The following DCLK1 variants were observed in gnomAD, a reference collection of about 807,000 sequenced individuals.
DCLK1 encodes the protein serine/threonine-protein kinase DCLK1.
In DCLK1, 16 loss-of-function variants were observed where a neutral mutation model predicts 86.2. The ratio of observed to expected loss-of-function variants is 0.19; its 90% confidence interval spans 0.13 to 0.28. The LOEUF (loss-of-function observed/expected upper bound fraction) is 0.28. Ranked by LOEUF, DCLK1 falls within the 10% of genes least tolerant of loss-of-function variation. DCLK1 has a pLI of 1.00. For missense variants in DCLK1, 590 were observed against 940.2 expected, an observed-to-expected ratio of 0.63 and a Z score of 4.87; for synonymous variants, 369 against 370.5, an observed-to-expected ratio of 1.00 and a Z score of 0.05.
intron 4 of DCLK1, among the ~76,000 whole-genome samples, chr13:35,905,237 T>C (rs887382449): frequency 6.6e-6 from 1 of 152,208 alleles, no homozygotes; most frequent in South Asian, 2.1e-4. Flanking sequence ...GCCATTGCCA[T>C]TGGATAAACA....
rs1366698690 is a variant in DCLK1, at chr13:36,125,860, C to T, written c.278G>A (p.Arg93Gln). 2 of 1,614,122 alleles carry T rather than the reference C, an allele frequency of 1.2e-6. No individual in the cohort carries two copies. The highest frequency in any genetic ancestry group is 1.7e-6 in the Non-Finnish European group (2 of 1,180,016). ...SFEALLADLT[R>Q]TLSDNVNLPQ... The stretch of plus-strand genomic sequence containing the variant: ...CAAATTCACGTTATCCGACAGAGTT[C>T]GGGTCAAATCAGCCAGCAGGGCCTC... Residue 93 changes from arginine (R) to glutamine (Q), a missense_variant, in exon 2 of 17, where the codon CGA becomes CAA. Arg to Gln is a conservative substitution (Grantham distance 43, BLOSUM62 1). Transcript: ENST00000360631.
chr13:35,798,300 C>T (rs147303515), intron 15 of DCLK1, among the ~76,000 whole-genome samples: 4 of 152,218 alleles, frequency 2.6e-5, no homozygotes, highest in South Asian at 2.1e-4. Flanking sequence ...CCATTTCAGG[C>T]GTCATGCTTT....
intron 4 of DCLK1, among the ~76,000 whole-genome samples, chr13:35,920,843 C>T (rs1191973893): frequency 2.0e-5 from 3 of 152,062 alleles, no homozygotes; most frequent in Non-Finnish European, 4.4e-5. Flanking sequence ...TGTCACCACC[C>T]GATGTGGCCC....
At chr13:35,826,983 T>A (rs1868524283) in intron 10 of DCLK1, among the ~76,000 whole-genome samples, 1 of 152,224 alleles carries the variant, frequency 6.6e-6, no homozygotes, top group Admixed American at 6.5e-5. Flanking sequence ...TTTTTAAAAC[T>A]TCTACTTCCC....
chr13:36,011,810 T>C (rs1438275276), intron 3 of DCLK1, among the ~76,000 whole-genome samples: 1 of 149,426 alleles, frequency 6.7e-6, no homozygotes, highest in Non-Finnish European at 1.5e-5. Flanking sequence ...TTCATCTGTC[T>C]AATGTTGACA....
At chr13:35,899,962 A>G (rs1874248352) in intron 4 of DCLK1, among the ~76,000 whole-genome samples, 2 of 152,202 alleles carry the variant, frequency 1.3e-5, no homozygotes, top group South Asian at 4.1e-4. Flanking sequence ...AATTAAAGAA[A>G]CCAAATCTAT....
intron 16 of DCLK1, among the ~76,000 whole-genome samples, chr13:35,786,535 C>A: frequency 6.6e-6 from 1 of 152,128 alleles, no homozygotes; most frequent in East Asian, 1.9e-4. Context: ...AAGGGAGCCC[C>A]TGGGGTGCTA....
intron 2 of DCLK1, among the ~76,000 whole-genome samples, chr13:36,119,317 C>T (rs183276840): frequency 2.7e-4 from 41 of 152,068 alleles, no homozygotes; most frequent in Middle Eastern, 3.4e-3. Context: ...AAATGGAGGA[C>T]AGTAATGTTT....
At chr13:35,927,788 T>C (rs1876206899) in intron 4 of DCLK1, among the ~76,000 whole-genome samples, 1 of 152,222 alleles carries the variant, frequency 6.6e-6, no homozygotes, top group Non-Finnish European at 1.5e-5. Context: ...TTGACTCATG[T>C]GATATCAGCC....
At chr13:35,806,669 C>G (rs17052884) in intron 14 of DCLK1, among the ~76,000 whole-genome samples, 16,697 of 152,200 alleles carry the variant, frequency 0.11, 1,063 homozygotes, top group East Asian at 0.18. Flanking sequence ...TAACTTGGAT[C>G]AGAACTCGTG....
At chr13:36,003,606 G>A (rs1031713248) in intron 3 of DCLK1, among the ~76,000 whole-genome samples, 1 of 151,940 alleles carries the variant, frequency 6.6e-6, no homozygotes, top group African/African-American at 2.4e-5. Flanking sequence ...GCAACAATAG[G>A]GTACTGCAAC....
chr13:35,832,476 A>G (rs896263185), intron 8 of DCLK1, among the ~76,000 whole-genome samples: 8 of 152,072 alleles, frequency 5.3e-5, no homozygotes, highest in Admixed American at 1.3e-4. Context: ...TTTCATGGCA[A>G]TCCTTGTTTG....
intron 3 of DCLK1, among the ~76,000 whole-genome samples, chr13:35,957,916 CACT>C (rs774933646): frequency 6.8e-4 from 17 of 25,042 alleles, no homozygotes; most frequent in Admixed American, 3.5e-3. Context: ...TCACCACCAC[CACT>C]GCTATAACCA....
intron 3 of DCLK1, among the ~76,000 whole-genome samples, chr13:36,104,821 GT>G (rs1227762123): frequency 6.6e-6 from 1 of 151,980 alleles, no homozygotes; most frequent in Non-Finnish European, 1.5e-5. Flanking sequence ...TAAAAATACA[GT>G]TGTTAGTAGT....
intron 4 of DCLK1, among the ~76,000 whole-genome samples, chr13:35,903,888 T>C (rs1183500247): frequency 6.6e-6 from 1 of 152,156 alleles, no homozygotes; most frequent in Non-Finnish European, 1.5e-5. Context: ...GACCTAACAA[T>C]ATCAATTTTT....
chr13:35,962,218 C>T (rs1438299594), intron 3 of DCLK1, among the ~76,000 whole-genome samples: 2 of 152,096 alleles, frequency 1.3e-5, no homozygotes, highest in Non-Finnish European at 1.5e-5. Flanking sequence ...CAGGATATGA[C>T]CTTGTTTGGA....
intron 3 of DCLK1, among the ~76,000 whole-genome samples, chr13:36,106,905 G>A (rs763832605): frequency 2.0e-5 from 3 of 151,960 alleles, no homozygotes; most frequent in Non-Finnish European, 2.9e-5. Context: ...CCCAAGAGTC[G>A]ACCAAATTAT....
intron 4 of DCLK1, among the ~76,000 whole-genome samples, chr13:35,896,397 G>T (rs1216640581): frequency 6.6e-6 from 1 of 151,850 alleles, no homozygotes; most frequent in East Asian, 1.9e-4. Flanking sequence ...AAATTAGACG[G>T]GTATGGTGCA....
At chr13:36,012,221 A>G (rs1298499711) in intron 3 of DCLK1, among the ~76,000 whole-genome samples, 2 of 139,100 alleles carry the variant, frequency 1.4e-5, no homozygotes, top group Non-Finnish European at 1.5e-5. Flanking sequence ...AATTTAGTCC[A>G]TTTACATTTA....
Sources: allele counts gnomAD v4.1 joint callset (sites outside exome capture counted in the v4.1 genomes callset), GRCh38; gene constraint gnomAD v4.1.1; transcripts MANE v1.5; gene names NCBI Gene and HGNC (gene_info 2026-07-23, HGNC 2026-07-21).